Variants in WRN observed in about 807,000 individuals in gnomAD.
WRN encodes the protein bifunctional 3'-5' exonuclease/ATP-dependent helicase WRN.
Under a neutral mutation model 180.7 loss-of-function variants are expected in WRN, and 149 were observed. The ratio of observed to expected loss-of-function variants is 0.82; its 90% CI spans 0.72 to 0.94. The LOEUF is 0.94. WRN is among the 40% of genes least tolerant of loss of function. The pLI is 0.00. For missense variants in WRN, 1,661 were observed against 1,700.1 expected, an observed-to-expected ratio of 0.98 and a Z score of 0.40; for synonymous variants, 548 against 568.9, an observed-to-expected ratio of 0.96 and a Z score of 0.52.
At position 31,080,912 on chromosome 8, in the gene WRN, G is replaced by T; in HGVS notation, c.885G>T (p.Leu295=). ...LKDISENLYS[L]RRMIIGSTNI... is the part of the protein sequence containing the mutation. ...ATATTTCAGAAAATCTATATTCACT[G>T]AGGAGGATGATAATTGGGTCTACTA... Residue 295 remains leucine (L), a synonymous_variant, in exon 9 of 35, where the codon CTG becomes CTT. Coordinates refer to ENST00000298139, the MANE Select transcript of WRN (RefSeq NM_000553.6). 1.2e-6 allele frequency: 2 copies of T among 1,612,526 alleles called. No homozygotes were observed. The highest frequency in any genetic ancestry group is 1.7e-6 in the Non-Finnish European group (2 of 1,179,610).
chr8:31,142,411 TTG>T (rs1197839325), intron 26 of WRN, among the ~76,000 whole-genome samples: 1 of 152,216 alleles, frequency 6.6e-6, no homozygotes, highest in Admixed American at 6.5e-5. Context: ...GCTTACTTTT[TTG>T]TACCTTTACA....
chr8:31,104,676 A>G (rs1005357411), intron 18 of WRN, among the ~76,000 whole-genome samples: 3 of 152,154 alleles, frequency 2.0e-5, no homozygotes, highest in Non-Finnish European at 4.4e-5. Flanking sequence ...TAAATTTTGT[A>G]TAAGGTGTGA....
chr8:31,143,401 A>G, intron 27 of WRN, 149 bp from the exon 28 acceptor site: 2 of 575,604 alleles, frequency 3.5e-6, no homozygotes, highest in Non-Finnish European at 6.1e-6. Flanking sequence ...AGAAACTGAT[A>G]ATTTAGGAGG....
chr8:31,095,610 A>G (rs1331723825), intron 16 of WRN, among the ~76,000 whole-genome samples: 1 of 152,180 alleles, frequency 6.6e-6, no homozygotes. Flanking sequence ...TATTTTTCAC[A>G]TATTGTTCCA....
rs1802748636 is a variant in WRN, at chr8:31,143,627, C to A, written c.3383+4C>A. The stretch of plus-strand genomic sequence containing the variant: ...GGAGTAACATTTCTAAAAAAAGGTA[C>A]AGAGTTCCATATTTCTATGTTCTAT... On this transcript the variant is annotated splice_donor_region_variant and intron_variant, in intron 28 of 34. Coordinates refer to ENST00000298139, the MANE Select transcript of WRN (RefSeq NM_000553.6). 1.9e-6 allele frequency: 3 copies of A among 1,570,670 alleles called. No homozygotes were observed. The highest frequency in any genetic ancestry group is 2.6e-6 in the Non-Finnish European group (3 of 1,142,000).
At chr8:31,164,925 T>C (rs1255836932) in intron 33 of WRN, among the ~76,000 whole-genome samples, 3 of 152,154 alleles carry the variant, frequency 2.0e-5, no homozygotes, top group Admixed American at 2.0e-4. Flanking sequence ...TTTGCATATA[T>C]ATAAAACGCA....
At chr8:31,139,630 C>G (rs751762464) in intron 24 of WRN, among the ~76,000 whole-genome samples, 2 of 152,160 alleles carry the variant, frequency 1.3e-5, no homozygotes, top group African/African-American at 2.4e-5. Flanking sequence ...CCAACGTGAA[C>G]CTGCTGTAAT....
intron 1 of WRN, among the ~76,000 whole-genome samples, chr8:31,056,844 T>A (rs1051528926): frequency 1.3e-5 from 2 of 152,200 alleles, no homozygotes; most frequent in African/African-American, 2.4e-5. Context: ...AACTCTTTCT[T>A]GCTAACATTT....
At chr8:31,071,961 TCA>T (rs1198099903) in intron 7 of WRN, among the ~76,000 whole-genome samples, 1 of 152,210 alleles carries the variant, frequency 6.6e-6, no homozygotes, top group African/African-American at 2.4e-5. Flanking sequence ...GGATGCGTTG[TCA>T]CACAGTTGAT....
intron 7 of WRN, among the ~76,000 whole-genome samples, chr8:31,074,705 A>G (rs1304918369): frequency 1.3e-5 from 2 of 152,140 alleles, no homozygotes; most frequent in African/African-American, 2.4e-5. Context: ...TATTATGAGT[A>G]GAGGTTTTGC....
At chr8:31,166,982 T>C (rs900852977) in intron 33 of WRN, 40 bp from the exon 34 acceptor site, 11 of 1,556,172 alleles carry the variant, frequency 7.1e-6, no homozygotes, top group African/African-American at 5.5e-5. Context: ...AAATATTCTC[T>C]GTAATTTATT....
intron 23 of WRN, among the ~76,000 whole-genome samples, chr8:31,125,992 A>G (rs1801918522): frequency 6.7e-6 from 1 of 149,462 alleles, no homozygotes; most frequent in South Asian, 2.1e-4. Context: ...ATATATATAT[A>G]TATATATCTA....
intron 24 of WRN, 63 bp downstream of exon 24, chr8:31,132,569 A>G (rs1376033221): frequency 6.2e-7 from 1 of 1,607,986 alleles, no homozygotes; most frequent in East Asian, 2.2e-5. Flanking sequence ...ACTTTTCTTC[A>G]GAGGTTTGCA....
At chr8:31,087,087 A>C (rs1404074880) in intron 11 of WRN, among the ~76,000 whole-genome samples, 3 of 152,116 alleles carry the variant, frequency 2.0e-5, no homozygotes, top group African/African-American at 7.2e-5. Flanking sequence ...TGAAAATATT[A>C]AATAAAAGAT....
intron 7 of WRN, among the ~76,000 whole-genome samples, 187 bp from the exon 8 acceptor site, chr8:31,075,986 A>G (rs1463796366): frequency 6.6e-6 from 1 of 152,218 alleles, no homozygotes; most frequent in Non-Finnish European, 1.5e-5. Context: ...AAATGTAAAC[A>G]GTAAAAATTT....
intron 1 of WRN, among the ~76,000 whole-genome samples, chr8:31,054,496 T>C (rs1812188956): frequency 6.6e-6 from 1 of 152,108 alleles, no homozygotes; most frequent in South Asian, 2.1e-4. Flanking sequence ...AGTGCTAGGA[T>C]TTCAGGCATG....
intron 24 of WRN, among the ~76,000 whole-genome samples, chr8:31,135,214 A>AT (rs777002949): frequency 4.6e-5 from 7 of 151,476 alleles, no homozygotes; most frequent in Non-Finnish European, 7.4e-5. Context: ...CCACCCAGCT[A>AT]TTTTTTTTAT....
chr8:31,153,081 G>A (rs994172373), intron 31 of WRN, among the ~76,000 whole-genome samples: 16 of 152,110 alleles, frequency 1.1e-4, no homozygotes, highest in Non-Finnish European at 2.2e-4. Flanking sequence ...CAACTTTCAG[G>A]TGAGCTGGCT....
intron 1 of WRN, among the ~76,000 whole-genome samples, chr8:31,053,100 T>G (rs920429532): frequency 6.6e-6 from 1 of 152,184 alleles, no homozygotes; most frequent in Non-Finnish European, 1.5e-5. Context: ...TTTGTAACGA[T>G]CCTCAGTTTG....
Sources: allele counts gnomAD v4.1 joint callset (sites outside exome capture counted in the v4.1 genomes callset), GRCh38; gene constraint gnomAD v4.1.1; transcripts MANE v1.5; gene names NCBI Gene and HGNC (gene_info 2026-07-23, HGNC 2026-07-21).